HTR2C: variants seen among roughly 807,000 people sequenced by gnomAD.
HTR2C encodes 5-hydroxytryptamine receptor 2C.
A neutral mutation model predicts 21.0 loss-of-function variants in HTR2C; 5 were observed. The observed-to-expected ratio is 0.24, with a 90% confidence interval of 0.12 to 0.50. The LOEUF (loss-of-function observed/expected upper bound fraction) is 0.50, where lower values mean the gene tolerates loss of function less well. HTR2C is among the 20% of genes least tolerant of loss of function. The pLI, the probability that HTR2C is intolerant of heterozygous loss-of-function variation, is 0.98. For synonymous variants in HTR2C, 150 were observed against 145.3 expected, an observed-to-expected ratio of 1.03 and a Z score of -0.23; for missense variants, 271 against 371.2, an observed-to-expected ratio of 0.73 and a Z score of 2.22.
At chrX:114,692,489 T>C (rs1255207704) in intron 2 of HTR2C, among the ~76,000 whole-genome samples, 1 of 111,774 alleles carries the variant, frequency 8.9e-6, no homozygotes, top group Non-Finnish European at 1.9e-5. Context: ...CATTGTAAGA[T>C]CTTTTTTATG....
intron 1 of HTR2C, among the ~76,000 whole-genome samples, chrX:114,605,550 C>T (rs782145738): frequency 4.2e-4 from 47 of 111,078 alleles, no homozygotes; most frequent in African/African-American, 1.5e-3. Flanking sequence ...CACCTCAGAC[C>T]ATTTGCCTAT....
intron 2 of HTR2C, among the ~76,000 whole-genome samples, chrX:114,723,434 C>G (rs1933307874): frequency 9.0e-6 from 1 of 111,229 alleles, no homozygotes; most frequent in Admixed American, 9.6e-5. Flanking sequence ...TGCTAGTGGT[C>G]TATCAATTTT....
At chrX:114,648,013 A>G (rs1211699938) in intron 2 of HTR2C, among the ~76,000 whole-genome samples, 1 of 112,626 alleles carries the variant, frequency 8.9e-6, no homozygotes, top group East Asian at 2.8e-4. Context: ...ATAAGTTTAA[A>G]ATAACATGGG....
intron 4 of HTR2C, among the ~76,000 whole-genome samples, chrX:114,754,359 G>C (rs1414765506): frequency 1.8e-5 from 2 of 111,800 alleles, no homozygotes; most frequent in Non-Finnish European, 3.8e-5. Context: ...CCTTGAAAAA[G>C]AATGCATTAA....
chrX:114,628,631 A>C (rs1285238847), intron 2 of HTR2C, among the ~76,000 whole-genome samples: 1 of 110,403 alleles, frequency 9.1e-6, no homozygotes, highest in African/African-American at 3.3e-5. Context: ...CAAATAAACA[A>C]ACACATTGAC....
intron 4 of HTR2C, among the ~76,000 whole-genome samples, chrX:114,839,687 A>AAAAACAAAAC (rs368109180): frequency 1.1e-3 from 122 of 108,826 alleles, no homozygotes; most frequent in African/African-American, 3.7e-3. Flanking sequence ...ATCCTGTCTC[A>AAAAACAAAAC]AAAACAAAAC....
intron 5 of HTR2C, among the ~76,000 whole-genome samples, chrX:114,858,546 C>G (rs1556471871): frequency 9.0e-6 from 1 of 111,581 alleles, no homozygotes; most frequent in Admixed American, 9.5e-5. Flanking sequence ...ACTCTATACC[C>G]AGCTATCTAA....
chrX:114,682,334 A>C (rs1931773761), intron 2 of HTR2C, among the ~76,000 whole-genome samples: 1 of 111,315 alleles, frequency 9.0e-6, no homozygotes, highest in African/African-American at 3.3e-5. Context: ...TGACAACAAT[A>C]ACTTTTTATA....
chrX:114,899,035 T>C (rs887347152), intron 5 of HTR2C, among the ~76,000 whole-genome samples: 1 of 112,332 alleles, frequency 8.9e-6, no homozygotes, highest in African/African-American at 3.2e-5. Flanking sequence ...GGAATGTTTT[T>C]CCATTTGTTT....
At chrX:114,614,086 G>A (rs1290957104) in intron 2 of HTR2C, among the ~76,000 whole-genome samples, 2 of 108,909 alleles carry the variant, frequency 1.8e-5, no homozygotes, top group African/African-American at 6.7e-5. Context: ...AAAAAAACTC[G>A]GCTTATTTTA....
intron 2 of HTR2C, among the ~76,000 whole-genome samples, chrX:114,725,850 C>T (rs1556421787): frequency 9.0e-6 from 1 of 110,747 alleles, no homozygotes; most frequent in African/African-American, 3.3e-5. Flanking sequence ...CAGGAACCCA[C>T]TTGAGGAGGC....
chrX:114,680,488 A>C (rs56242503), intron 2 of HTR2C, among the ~76,000 whole-genome samples: 1,268 of 112,042 alleles, frequency 0.011, 14 homozygotes, highest in African/African-American at 0.038. Flanking sequence ...GACAAAAAGT[A>C]ATAAGCTGTG....
At chrX:114,822,506 A>G (rs1381828535) in intron 4 of HTR2C, among the ~76,000 whole-genome samples, 1 of 112,104 alleles carries the variant, frequency 8.9e-6, no homozygotes, top group Non-Finnish European at 1.9e-5. Context: ...AGATCCATAC[A>G]ATAGAAGAAA....
chrX:114,775,458 C>T, intron 4 of HTR2C: 1 of 511,908 alleles, frequency 2.0e-6, no homozygotes, highest in Non-Finnish European at 3.6e-6. Flanking sequence ...AATCAGCACA[C>T]CAGGCTGGTT....
chrX:114,776,483 G>A, intron 4 of HTR2C: 1 of 567,601 alleles, frequency 1.8e-6, no homozygotes, highest in South Asian at 2.3e-5. Flanking sequence ...GGGCCTGTCA[G>A]TATCATTCAC....
intron 2 of HTR2C, among the ~76,000 whole-genome samples, chrX:114,726,221 G>T (rs181304053): frequency 1.8e-5 from 2 of 112,540 alleles, no homozygotes; most frequent in South Asian, 3.7e-4. Context: ...CTCCTGGTGC[G>T]CCGTTTTTTA....
chrX:114,870,438 G>A (rs2071083170), intron 5 of HTR2C, among the ~76,000 whole-genome samples: 1 of 111,348 alleles, frequency 9.0e-6, no homozygotes, highest in Non-Finnish European at 1.9e-5. Flanking sequence ...TATTGGCCTT[G>A]TAGAATGAGT....
At chrX:114,779,901 A>ATGTG (rs113113599) in intron 4 of HTR2C, among the ~76,000 whole-genome samples, 17 of 106,124 alleles carry the variant, frequency 1.6e-4, no homozygotes, top group African/African-American at 5.5e-4. Flanking sequence ...GTATATGTAT[A>ATGTG]TGTGTGTGTG....
intron 2 of HTR2C, among the ~76,000 whole-genome samples, chrX:114,635,137 TGC>T (rs144807669): frequency 0.49 from 54,511 of 110,748 alleles, 11,613 homozygotes; most frequent in East Asian, 0.77. Flanking sequence ...AAGGTAAACC[TGC>T]GTGTTACATG....
Sources: allele counts gnomAD v4.1 joint callset (sites outside exome capture counted in the v4.1 genomes callset), GRCh38; gene constraint gnomAD v4.1.1; transcripts MANE v1.5; gene names NCBI Gene and HGNC (gene_info 2026-07-23, HGNC 2026-07-21).